DST: variants seen among roughly 807,000 people sequenced by gnomAD.
DST encodes the protein dystonin.
In DST, 253 loss-of-function variants were observed where a neutral mutation model predicts 875.2. The observed-to-expected ratio is 0.29, with a 90% CI of 0.26 to 0.32. The LOEUF (loss-of-function observed/expected upper bound fraction) is 0.32. Among genes scored for constraint, DST ranks in the 10% least tolerant of loss-of-function variants. The probability of loss-of-function intolerance (pLI) is 1.00; values close to 1 mark genes in which losing one functional copy is unlikely to be tolerated. For missense variants in DST, 8,287 were observed against 9,111.6 expected (o/e 0.91, Z 3.68); for synonymous variants, 3,124 against 3,197.1 (o/e 0.98, Z 0.77).
chr6:56,705,729 T>C (rs2099330380), intron 5 of DST, among the ~76,000 whole-genome samples: 1 of 152,196 alleles, frequency 6.6e-6, no homozygotes, highest in Non-Finnish European at 1.5e-5. Context: ...CTAGGCATAA[T>C]TAACTACAAA....
In DST at chr6:56,634,854, G is replaced by T; in HGVS notation, c.3286C>A (p.Pro1096Thr). The change falls in exon 25 of 104, where the codon CCA becomes ACA. Residue 1096 changes from proline (P) to threonine (T), a missense_variant. Around this residue, in one of 10 missense-constraint regions of DST, gnomAD observed 1,160 missense variants for 1,424.3 expected, o/e 0.81. Transcript: ENST00000680361. ...TTGATCGGAATAGAAGTTTTGAGTGGACAGTCAGAATTCCTTGGCTTCAGT... is the reference window on the plus strand; with the variant it reads ...TTGATCGGAATAGAAGTTTTGAGTGTACAGTCAGAATTCCTTGGCTTCAGT... ...IQLKPRNSDC[P>T]LKTSIPIKAI... 1 of 1,613,908 alleles carries T rather than the reference G, an allele frequency of 6.2e-7. No homozygotes were observed.
intron 63 of DST, among the ~76,000 whole-genome samples, chr6:56,533,677 C>T (rs1647565468): frequency 6.6e-6 from 1 of 152,134 alleles, no homozygotes; most frequent in Admixed American, 6.5e-5. Context: ...GTTGGCTAAG[C>T]ATCATGACTC....
chr6:56,639,355 C>T lies in DST; in HGVS notation c.2868G>A (p.Met956Ile). Residue 956 changes from methionine to isoleucine, a missense_variant, in exon 22 of 104, where the codon ATG becomes ATA. Coordinates refer to ENST00000680361, the MANE Select transcript of DST (RefSeq NM_001374736.1). Reference protein sequence around the residue: ...ARKKDYHAELMRELDQKEENI... With the variant: ...ARKKDYHAELIRELDQKEENI... ...TTTCTTCCTTTTGATCAAGTTCTCT[C>T]ATTAATTCCTTCAAGAAATAATTAA... 1 of 1,612,980 alleles carries T rather than the reference C, an allele frequency of 6.2e-7. No homozygotes were observed. The highest frequency in any genetic ancestry group is 8.5e-7 in the Non-Finnish European group (1 of 1,179,336).
Position 56,749,617 on chromosome 6 carries a change from T to C in DST, c.626-14328A>G, listed in dbSNP as rs117479495. 7.7e-4 allele frequency among the ~76,000 whole-genome samples: 117 copies of C among 152,330 alleles called. No homozygotes were observed. The East Asian group carries it at 0.019, about 25-fold the overall frequency. ...ACTACTTTCATATCACTGTGGTCTCTTTAATTTGACCAGGGAGTTTAAGAG... is the reference window on the plus strand; with the variant it reads ...ACTACTTTCATATCACTGTGGTCTCCTTAATTTGACCAGGGAGTTTAAGAG... On this transcript the variant is annotated intron_variant, in intron 4 of 103. Coordinates refer to ENST00000680361, the MANE Select transcript of DST (RefSeq NM_001374736.1).
chr6:56,474,081 G>T (rs1341771543), intron 92 of DST, 79 bp from the exon 93 acceptor site: 6 of 1,196,900 alleles, frequency 5.0e-6, no homozygotes, highest in Non-Finnish European at 7.0e-6. Context: ...AAAGCAGAAG[G>T]ATAAAAGAAC....
intron 59 of DST, 137 bp downstream of exon 59, chr6:56,557,182 C>A (rs998476031): frequency 2.6e-6 from 2 of 770,658 alleles, no homozygotes; most frequent in African/African-American, 1.8e-5. Flanking sequence ...TTATGGGCAT[C>A]TGAAACATTA....
At chr6:56,611,382 A>G (rs2098543165) in intron 38 of DST, 126 bp downstream of exon 38, 2 of 503,674 alleles carry the variant, frequency 4.0e-6, no homozygotes, top group African/African-American at 2.8e-5. Context: ...ACATTACTAT[A>G]TTAATTGTGA....
At chr6:56,911,092 T>C (rs1482814248) in intron 2 of DST, among the ~76,000 whole-genome samples, 1 of 152,186 alleles carries the variant, frequency 6.6e-6, no homozygotes, top group Non-Finnish European at 1.5e-5. Context: ...CAGTTATGGT[T>C]GCTGGTTCTT....
At chr6:56,762,080 G>T (rs1404690533) in intron 4 of DST, among the ~76,000 whole-genome samples, 2 of 152,010 alleles carry the variant, frequency 1.3e-5, no homozygotes, top group Non-Finnish European at 2.9e-5. Context: ...GAGTGCAATG[G>T]TGAAATCTCA....
At chr6:56,642,674 T>A (rs372226813) in intron 15 of DST, 171 bp from the exon 16 acceptor site, 2 of 1,614,162 alleles carry the variant, frequency 1.2e-6, no homozygotes, top group South Asian at 1.1e-5. Context: ...TTGATCAGTG[T>A]TGGACCACAA....
intron 3 of DST, among the ~76,000 whole-genome samples, chr6:56,888,125 A>G (rs1785509833): frequency 6.6e-6 from 1 of 151,654 alleles, no homozygotes; most frequent in African/African-American, 2.4e-5. Flanking sequence ...TAAGTTTTGT[A>G]TTTTTAGTAG....
Position 56,635,689 on chromosome 6 carries a change from G to C in DST, c.3086C>G (p.Thr1029Ser). ...ATCTTTTAGATTCCTTAAGTAATCA[G>C]TAGCTTCTTTGGCATCATTGAAAAA... ...FEFFNDAKEA[T>S]DYLRNLKDAI... Residue 1029 changes from threonine (T) to serine (S), a missense_variant, in exon 24 of 104, where the codon ACT becomes AGT. By Grantham distance (58) the Thr-to-Ser change is moderately conservative (BLOSUM62 1). Coordinates refer to ENST00000680361, the MANE Select transcript of DST (RefSeq NM_001374736.1). The C allele has an allele frequency of 6.2e-7, 1 of 1,613,842 alleles. No homozygotes were observed. The highest frequency in any genetic ancestry group is 8.5e-7 in the Non-Finnish European group (1 of 1,179,888).
At chr6:56,737,787 A>G (rs1051258126) in intron 4 of DST, among the ~76,000 whole-genome samples, 6 of 152,254 alleles carry the variant, frequency 3.9e-5, no homozygotes, top group Admixed American at 3.9e-4. Flanking sequence ...CCCTAAAAAT[A>G]CCTACGACCT....
Position 56,654,561 on chromosome 6 carries a change from T to C in DST, c.1215-3317A>G, listed in dbSNP as rs2152803032. 2.0e-5 allele frequency among the ~76,000 whole-genome samples: 3 copies of C among 150,006 alleles called. 1 individual carries two copies. In the South Asian group the frequency reaches 6.3e-4, roughly 31 times the overall value. On this transcript the variant is annotated intron_variant, in intron 10 of 103. Coordinates refer to ENST00000680361, the MANE Select transcript of DST (RefSeq NM_001374736.1). ...ATGTTTATCTTTCATACAACACCCATCTTAAAAGAGCAATCTCCCCTAGGC... is the reference window on the plus strand; with the variant it reads ...ATGTTTATCTTTCATACAACACCCACCTTAAAAGAGCAATCTCCCCTAGGC...
At chr6:56,501,281 T>G in intron 79 of DST, 46 bp from the exon 80 acceptor site, 3 of 1,531,388 alleles carry the variant, frequency 2.0e-6, no homozygotes, top group Non-Finnish European at 2.6e-6. Context: ...TTTGATATTA[T>G]GAATGACATG....
chr6:56,840,339 G>A (rs2099798491), intron 4 of DST, among the ~76,000 whole-genome samples: 1 of 152,058 alleles, frequency 6.6e-6, no homozygotes, highest in Non-Finnish European at 1.5e-5. Context: ...TATATACACT[G>A]GATAATTTAC....
At position 56,916,776 on chromosome 6, in the gene DST, T is replaced by TCACACACACA. The variant is rs1179291069; in HGVS notation, c.217-16156_217-16155insTGTGTGTGTG. 1.1e-4 allele frequency among the ~76,000 whole-genome samples: 8 copies of TCACACACACA among 71,968 alleles called. No individual in the cohort carries two copies. In the South Asian group the frequency reaches 1.9e-3, roughly 17 times the overall value. The allele number at this position is 71,968 out of a possible 152,430, so 47.2% of individuals were successfully genotyped here. ...CTATCTCTCTCTCTCTCTCTCTCTCTCTCACACACACACACACACACACAC... is the reference window on the plus strand; with the variant it reads ...CTATCTCTCTCTCTCTCTCTCTCTCTCACACACACACTCACACACACACACACACACACAC... On this transcript the variant is annotated intron_variant, in intron 2 of 103. Transcript: ENST00000680361.
At chr6:56,543,147 G>A (rs2097166032) in intron 61 of DST, among the ~76,000 whole-genome samples, 1 of 152,216 alleles carries the variant, frequency 6.6e-6, no homozygotes, top group South Asian at 2.1e-4. Context: ...ATTTTGTGAA[G>A]GTCCAGAGAC....
intron 10 of DST, among the ~76,000 whole-genome samples, chr6:56,661,070 C>T (rs1182936791): frequency 6.6e-6 from 1 of 151,206 alleles, no homozygotes; most frequent in Non-Finnish European, 1.5e-5. Flanking sequence ...GTAACTCCTC[C>T]AGTACCTATA....
Sources: allele counts gnomAD v4.1 joint callset (sites outside exome capture counted in the v4.1 genomes callset), GRCh38; gene constraint gnomAD v4.1.1; regional missense constraint gnomAD v4.1.1; transcripts MANE v1.5; gene names NCBI Gene and HGNC (gene_info 2026-07-23, HGNC 2026-07-21).